Variants in CEP135 observed in about 807,000 individuals in gnomAD.
CEP135 encodes the protein centrosomal protein of 135 kDa.
A neutral mutation model predicts 157.3 loss-of-function variants in CEP135; 142 were observed. The observed-to-expected ratio is 0.90, with a 90% CI of 0.79 to 1.04. The LOEUF is 1.04. Ranked by LOEUF, CEP135 falls within the 50% of genes least tolerant of loss-of-function variation. The pLI is 0.00. For synonymous variants in CEP135, 396 were observed against 439.8 expected (o/e 0.90, Z 1.25); for missense variants, 1,317 against 1,309.2 (o/e 1.01, Z -0.09).
At chr4:55,957,594 A>T (rs1728547969) in intron 5 of CEP135, among the ~76,000 whole-genome samples, 2 of 152,228 alleles carry the variant, frequency 1.3e-5, no homozygotes, top group African/African-American at 4.8e-5. Context: ...ATACTGGCTT[A>T]AAAATTATTG....
At chr4:56,022,147 T>C (rs1447781071) in intron 24 of CEP135, among the ~76,000 whole-genome samples, 1 of 152,196 alleles carries the variant, frequency 6.6e-6, no homozygotes, top group Non-Finnish European at 1.5e-5. Context: ...ACTGTACATA[T>C]ATAATGATTT....
intron 8 of CEP135, 67 bp from the exon 9 acceptor site, chr4:55,968,996 C>T: frequency 8.5e-7 from 1 of 1,177,608 alleles, no homozygotes; most frequent in South Asian, 1.5e-5. Context: ...ATTACTTGAT[C>T]TATTTGCATA....
intron 21 of CEP135, among the ~76,000 whole-genome samples, chr4:56,015,726 A>AG (rs1245909680): frequency 1.3e-5 from 2 of 152,150 alleles, no homozygotes; most frequent in East Asian, 3.9e-4. Flanking sequence ...CCAGTGTCAT[A>AG]GGTCTGTAGA....
intron 11 of CEP135, among the ~76,000 whole-genome samples, chr4:55,977,644 A>G (rs138168286): frequency 3.3e-5 from 5 of 152,328 alleles, no homozygotes; most frequent in African/African-American, 4.8e-5. Context: ...AAACCAATTA[A>G]CATGTCTGTT....
intron 10 of CEP135, among the ~76,000 whole-genome samples, chr4:55,974,030 C>G (rs1255702933): frequency 3.3e-5 from 5 of 152,170 alleles, no homozygotes; most frequent in Non-Finnish European, 4.4e-5. Flanking sequence ...GCACACTGTC[C>G]TTTTGTAGCT....
intron 11 of CEP135, among the ~76,000 whole-genome samples, chr4:55,977,228 G>A (rs1729253575): frequency 6.6e-6 from 1 of 152,120 alleles, no homozygotes; most frequent in Non-Finnish European, 1.5e-5. Context: ...CTGCTTTATG[G>A]CAGACTGTTA....
At chr4:55,995,302 C>G (rs1000191246) in intron 15 of CEP135, among the ~76,000 whole-genome samples, 1 of 152,156 alleles carries the variant, frequency 6.6e-6, no homozygotes, top group African/African-American at 2.4e-5. Flanking sequence ...GCTTATCCAA[C>G]CCACCGTATT....
chr4:55,957,515 T>C (rs1011191945), intron 5 of CEP135, 151 bp downstream of exon 5: 5 of 608,248 alleles, frequency 8.2e-6, no homozygotes, highest in African/African-American at 1.9e-5. Flanking sequence ...TACTTCCAGA[T>C]TGATATAAAA....
chr4:56,000,610 A>C (rs1393279533), intron 17 of CEP135, among the ~76,000 whole-genome samples: 1 of 152,186 alleles, frequency 6.6e-6, no homozygotes. Flanking sequence ...TGTGCTTGAC[A>C]TGTTTCACTT....
rs575811542 is a variant in CEP135 at position 56,009,240 on chromosome 4, C to T, written c.2337-495C>T. 5.3e-5 allele frequency among the ~76,000 whole-genome samples: 8 copies of T among 152,278 alleles called. No individual in the cohort carries two copies. The East Asian group carries it at 1.2e-3, about 22-fold the overall frequency. ...GCAGTGGGGCGATCTCGGCTCATTGCAAGCTCTGCCTCCCGGGTTCACGCC... is the reference window on the plus strand; with the variant it reads ...GCAGTGGGGCGATCTCGGCTCATTGTAAGCTCTGCCTCCCGGGTTCACGCC... On this transcript the variant is annotated intron_variant, in intron 18 of 25. Coordinates refer to ENST00000257287, the MANE Select transcript of CEP135 (RefSeq NM_025009.5).
chr4:56,029,313 C>T (rs1343723977), intron 25 of CEP135, among the ~76,000 whole-genome samples: 2 of 152,190 alleles, frequency 1.3e-5, no homozygotes, highest in Non-Finnish European at 2.9e-5. Context: ...ATTCAACCTT[C>T]AGCCCCTCTC....
chr4:55,970,259 A>G lies in CEP135; in HGVS notation c.1111-1011A>G, dbSNP rs1728987733. Among the ~76,000 whole-genome samples, 6 of 152,344 alleles carry G rather than the reference A, an allele frequency of 3.9e-5. 1 individual carries two copies. The South Asian group carries it at 1.2e-3, about 32-fold the overall frequency. On this transcript the variant is annotated intron_variant, in intron 9 of 25. Transcript: ENST00000257287. The stretch of plus-strand genomic sequence containing the variant: ...CTGGTAGTCTTCAAATAACAAAGGA[A>G]GTAATCATCCCAACAGAAGCCTAAA...
intron 15 of CEP135, among the ~76,000 whole-genome samples, chr4:55,997,068 C>T (rs1056482845): frequency 6.6e-5 from 10 of 152,134 alleles, no homozygotes; most frequent in Admixed American, 1.3e-4. Flanking sequence ...ATAGCATTTT[C>T]GAAGCTAAGA....
intron 17 of CEP135, among the ~76,000 whole-genome samples, chr4:56,002,240 C>A (rs1260180871): frequency 6.6e-6 from 1 of 151,260 alleles, no homozygotes; most frequent in East Asian, 1.9e-4. Context: ...TTTTTTCTTT[C>A]TCTTGACTAA....
At chr4:56,025,256 C>T (rs1382832939) in intron 25 of CEP135, among the ~76,000 whole-genome samples, 1 of 152,172 alleles carries the variant, frequency 6.6e-6, no homozygotes, top group Non-Finnish European at 1.5e-5. Flanking sequence ...GCTGGGACTA[C>T]AGGCTGGTCC....
At chr4:56,009,655 CT>C in intron 18 of CEP135, 79 bp from the exon 19 acceptor site, 2 of 1,260,760 alleles carry the variant, frequency 1.6e-6, no homozygotes, top group Non-Finnish European at 2.2e-6. Flanking sequence ...TCTAAGTATA[CT>C]TAGACTATAA....
At chr4:55,976,428 T>G (rs948546754) in intron 11 of CEP135, among the ~76,000 whole-genome samples, 2 of 152,152 alleles carry the variant, frequency 1.3e-5, no homozygotes, top group Non-Finnish European at 2.9e-5. Context: ...ATTGATCAGT[T>G]TAATTAAGTT....
intron 11 of CEP135, among the ~76,000 whole-genome samples, chr4:55,979,463 A>G (rs1288858182): frequency 6.6e-6 from 1 of 152,168 alleles, no homozygotes; most frequent in African/African-American, 2.4e-5. Context: ...AAATATTTGC[A>G]TTTATTTGAC....
chr4:56,013,552 A>G (rs1292427918), intron 21 of CEP135, among the ~76,000 whole-genome samples: 2 of 152,178 alleles, frequency 1.3e-5, no homozygotes, highest in Non-Finnish European at 2.9e-5. Flanking sequence ...TTTACAAATG[A>G]TATAAGAGCC....
Sources: allele counts gnomAD v4.1 joint callset (sites outside exome capture counted in the v4.1 genomes callset), GRCh38; gene constraint gnomAD v4.1.1; transcripts MANE v1.5; gene names NCBI Gene and HGNC (gene_info 2026-07-23, HGNC 2026-07-21).